The following PTCHD4 variants were observed in gnomAD, a reference collection of about 807,000 sequenced individuals.
PTCHD4 encodes the protein patched domain-containing protein 4.
In PTCHD4, 33 loss-of-function variants were observed where a neutral mutation model predicts 58.1. The observed-to-expected ratio is 0.57, with a 90% CI of 0.43 to 0.76. The LOEUF (loss-of-function observed/expected upper bound fraction) is 0.76. Among genes scored for constraint, PTCHD4 ranks in the 30% least tolerant of loss-of-function variants. The pLI is 0.00. For synonymous variants in PTCHD4, 478 were observed against 409.6 expected (o/e 1.17, Z -2.02); for missense variants, 1,058 against 1,027.1 (o/e 1.03, Z -0.41).
intron 3 of PTCHD4, among the ~76,000 whole-genome samples, chr6:48,050,892 A>G (rs1764209634): frequency 6.6e-6 from 1 of 152,040 alleles, no homozygotes; most frequent in Non-Finnish European, 1.5e-5. Flanking sequence ...CAATATCTAG[A>G]TTTTCTATTC....
At chr6:48,039,529 G>T (rs2114148803) in intron 3 of PTCHD4, among the ~76,000 whole-genome samples, 1 of 152,178 alleles carries the variant, frequency 6.6e-6, no homozygotes, top group Admixed American at 6.6e-5. Context: ...AACCTTGGTG[G>T]TGTTTACATG....
At chr6:47,950,653 T>G (rs906016763) in intron 4 of PTCHD4, among the ~76,000 whole-genome samples, 1 of 152,120 alleles carries the variant, frequency 6.6e-6, no homozygotes, top group East Asian at 1.9e-4. Context: ...CTAAATGGAA[T>G]ACCCATGAAG....
At chr6:48,019,113 C>T (rs574179075) in intron 3 of PTCHD4, among the ~76,000 whole-genome samples, 92 of 152,234 alleles carry the variant, frequency 6.0e-4, no homozygotes, top group African/African-American at 2.2e-3. Flanking sequence ...AAGAAAGTTA[C>T]GGAAGATGAG....
At chr6:47,917,111 A>G (rs1411708938) in intron 4 of PTCHD4, among the ~76,000 whole-genome samples, 1 of 152,028 alleles carries the variant, frequency 6.6e-6, no homozygotes, top group Non-Finnish European at 1.5e-5. Context: ...TTCCAATAAT[A>G]CTACTTTTGA....
chr6:48,110,307 A>C (rs1765838784), intron 1 of PTCHD4, among the ~76,000 whole-genome samples: 1 of 152,190 alleles, frequency 6.6e-6, no homozygotes. Flanking sequence ...AGATTCTGAC[A>C]TTTGTGACAA....
chr6:47,977,852 G>A (rs1270486796), intron 4 of PTCHD4, among the ~76,000 whole-genome samples: 2 of 152,092 alleles, frequency 1.3e-5, no homozygotes, highest in African/African-American at 2.4e-5. Flanking sequence ...ACAAAAGAAA[G>A]TGTAGATAAA....
rs183545177 is a variant in PTCHD4 at position 47,884,693 on chromosome 6, C to T, written c.899-4757G>A. On this transcript the variant is annotated intron_variant, in intron 4 of 4. Coordinates refer to ENST00000339488, the MANE Select transcript of PTCHD4 (RefSeq NM_001384253.1). ...AGGCCACTGCTTGTTTTAAGAACAACTCCATTCAAGTTCTGGACTTGTTTT... is the reference window on the plus strand; with the variant it reads ...AGGCCACTGCTTGTTTTAAGAACAATTCCATTCAAGTTCTGGACTTGTTTT... 1.8e-3 allele frequency among the ~76,000 whole-genome samples: 272 copies of T among 152,336 alleles called. 2 individuals carry two copies. The highest frequency in any genetic ancestry group is 5.7e-3 in the African/African-American group (237 of 41,592).
intron 4 of PTCHD4, among the ~76,000 whole-genome samples, chr6:47,927,044 G>A (rs1765647204): frequency 6.6e-6 from 1 of 151,922 alleles, no homozygotes; most frequent in East Asian, 1.9e-4. Context: ...TGCCTCCAGG[G>A]AAGAGGCTGT....
chr6:47,976,629 G>T (rs1306132768), intron 4 of PTCHD4, among the ~76,000 whole-genome samples: 1 of 150,698 alleles, frequency 6.6e-6, no homozygotes, highest in Non-Finnish European at 1.5e-5. Flanking sequence ...ACTCCAGCCT[G>T]GGCCACAAGA....
At position 47,860,370 on chromosome 6, in the gene PTCHD4, A is replaced by C. The variant is rs549501284; in HGVS notation, c.*17933T>G. ...AAAAGACAAAGAAATATATGACTCT[A>C]AAAACAAATTCAGGTATTTTGAGAA... is the stretch of plus-strand genomic sequence containing the variant. On this transcript the variant is annotated 3_prime_UTR_variant, in exon 5 of 5. Transcript: ENST00000339488. Among the ~76,000 whole-genome samples, 100 of 152,198 alleles carry C rather than the reference A, an allele frequency of 6.6e-4. 1 individual carries two copies. Among genetic ancestry groups the C allele is most frequent in the Admixed American group, 3.6e-3 (55 of 15,272 alleles).
chr6:48,065,720 A>G (rs1764771462), intron 3 of PTCHD4, among the ~76,000 whole-genome samples: 1 of 152,172 alleles, frequency 6.6e-6, no homozygotes, highest in Non-Finnish European at 1.5e-5. Flanking sequence ...GAGAGGGCCC[A>G]TTGCTTTCAG....
intron 4 of PTCHD4, among the ~76,000 whole-genome samples, chr6:47,957,120 A>C (rs1046418710): frequency 2.6e-5 from 4 of 151,476 alleles, no homozygotes; most frequent in Non-Finnish European, 5.9e-5. Flanking sequence ...AGCCAAGATC[A>C]TGCCACTGCA....
chr6:48,100,525 G>GA (rs1263279585), intron 1 of PTCHD4, among the ~76,000 whole-genome samples: 11 of 151,968 alleles, frequency 7.2e-5, no homozygotes, highest in African/African-American at 2.7e-4. Context: ...TTTTACTGAG[G>GA]AAAAAATGAA....
rs976449546 is a variant in PTCHD4 at position 47,862,128 on chromosome 6, G to C, written c.*16175C>G. Among the ~76,000 whole-genome samples the C allele has an allele frequency of 2.0e-5, 3 of 151,868 alleles. No individual in the cohort carries two copies. Among genetic ancestry groups the C allele is most frequent in the Admixed American group, 2.0e-4 (3 of 15,220 alleles). On this transcript the variant is annotated 3_prime_UTR_variant, in exon 5 of 5. Transcript: ENST00000339488. ...TACATATTGTGTGTAACTCTGATTG[G>C]AGTTTCAGCACTTCTTTATTGTATA...
intron 1 of PTCHD4, among the ~76,000 whole-genome samples, chr6:48,077,793 G>A (rs1035295891): frequency 1.3e-5 from 2 of 152,150 alleles, no homozygotes; most frequent in African/African-American, 4.8e-5. Context: ...GCTGCTGGTT[G>A]GTGGAGCATT....
At chr6:48,007,207 T>A (rs1271042158) in intron 4 of PTCHD4, among the ~76,000 whole-genome samples, 2 of 151,896 alleles carry the variant, frequency 1.3e-5, no homozygotes, top group African/African-American at 4.8e-5. Flanking sequence ...GACACTGCAC[T>A]CCAGCCTGGA....
chr6:48,086,657 G>A (rs9473229), intron 1 of PTCHD4, among the ~76,000 whole-genome samples: 23,857 of 152,090 alleles, frequency 0.16, 1,916 homozygotes, highest in African/African-American at 0.2. Context: ...GTAGGAGACA[G>A]TAGAATGATG....
intron 4 of PTCHD4, among the ~76,000 whole-genome samples, chr6:47,893,557 A>G (rs983521190): frequency 3.3e-5 from 5 of 152,196 alleles, no homozygotes; most frequent in African/African-American, 9.6e-5. Context: ...TTTCTTCACT[A>G]CCATCTATTA....
intron 4 of PTCHD4, among the ~76,000 whole-genome samples, chr6:47,955,276 T>C (rs925979063): frequency 7.2e-5 from 11 of 152,138 alleles, no homozygotes; most frequent in African/African-American, 2.4e-4. Flanking sequence ...CCATATACTA[T>C]AGGAATAAAT....
Sources: allele counts gnomAD v4.1 joint callset (sites outside exome capture counted in the v4.1 genomes callset), GRCh38; gene constraint gnomAD v4.1.1; transcripts MANE v1.5; gene names NCBI Gene and HGNC (gene_info 2026-07-23, HGNC 2026-07-21).